UPK1A: variants seen among roughly 807,000 people sequenced by gnomAD.
UPK1A encodes uroplakin-1a.
A neutral mutation model predicts 32.3 loss-of-function variants in UPK1A; 31 were observed. That is an observed-to-expected ratio of 0.96 (90% CI 0.72 to 1.30). The LOEUF (loss-of-function observed/expected upper bound fraction) is 1.30. UPK1A is among the 50% of genes most tolerant of loss of function. The pLI is 0.00. For missense variants in UPK1A, 340 were observed against 357.4 expected (o/e 0.95, Z 0.39); for synonymous variants, 135 against 137.1 (o/e 0.98, Z 0.11).
intron 3 of UPK1A, among the ~76,000 whole-genome samples, chr19:35,671,882 C>T (rs893337292): frequency 6.6e-6 from 1 of 152,134 alleles, no homozygotes; most frequent in Admixed American, 6.6e-5. Flanking sequence ...TCTCCTCTAT[C>T]CCCCTTCTCT....
chr19:35,666,855 G>T (rs1225210437), exon 2 of UPK1A: 1 of 1,614,160 alleles, frequency 6.2e-7, no homozygotes, highest in Non-Finnish European at 8.5e-7. Flanking sequence ...GGGATCTCCA[G>T]TTGTGGTGGG....
chr19:35,669,903 A>G (rs1968060365), intron 3 of UPK1A, among the ~76,000 whole-genome samples: 1 of 152,134 alleles, frequency 6.6e-6, no homozygotes, highest in African/African-American at 2.4e-5. Context: ...CACTCATTTG[A>G]TGAACAAATG....
chr19:35,677,716 G>T, intron 6 of UPK1A, 96 bp from the exon 7 acceptor site: 1 of 1,441,680 alleles, frequency 6.9e-7, no homozygotes, highest in South Asian at 1.2e-5. Flanking sequence ...AATGCTCAGG[G>T]AAGGTGGTGA....
chr19:35,668,514 T>C, exon 3 of UPK1A: 1 of 1,614,176 alleles, frequency 6.2e-7, no homozygotes, highest in Non-Finnish European at 8.5e-7. Flanking sequence ...GTACCGTGTA[T>C]ACCCACTGAT....
exon 5 of UPK1A, chr19:35,673,484 A>G (rs756177579): frequency 2.5e-6 from 4 of 1,613,340 alleles, no homozygotes; most frequent in African/African-American, 2.7e-5. Context: ...CTGACCTTCT[A>G]CAGCGCGGAC....
At chr19:35,668,640 T>G (rs1026678983) in exon 3 of UPK1A, 1 of 1,613,166 alleles carries the variant, frequency 6.2e-7, no homozygotes, top group Middle Eastern at 1.7e-4. Flanking sequence ...CCGCCGCCGG[T>G]CCATGGTCCT....
exon 8 of UPK1A, chr19:35,678,014 C>T: frequency 6.3e-7 from 1 of 1,586,590 alleles, no homozygotes. Flanking sequence ...CTACACCATG[C>T]TCTGAGGGAC....
rs532080735 is a variant in UPK1A at position 35,668,937 on chromosome 19, C to A, written c.285+283C>A. Among the ~76,000 whole-genome samples the A allele has an allele frequency of 2.0e-5, 3 of 151,808 alleles. No homozygotes were observed. The South Asian group carries it at 6.2e-4, about 32-fold the overall frequency. ...GGCTCAAATGATTCTCCTGCCTCAGCCTCCCAAAGTGCTGGGATTACAGGC... is the reference window on the plus strand; with the variant it reads ...GGCTCAAATGATTCTCCTGCCTCAGACTCCCAAAGTGCTGGGATTACAGGC... On this transcript the variant is annotated intron_variant, in intron 3 of 7. Transcript: ENST00000617999.
chr19:35,677,288 G>A (rs1968195043), intron 6 of UPK1A, among the ~76,000 whole-genome samples: 1 of 151,818 alleles, frequency 6.6e-6, no homozygotes, highest in Admixed American at 6.6e-5. Flanking sequence ...AGCACTTTGG[G>A]AGACCGAGAT....
rs139271515 is a variant in UPK1A, at chr19:35,677,151, G to T, written c.649-661G>T. 3.6e-3 allele frequency among the ~76,000 whole-genome samples: 546 copies of T among 151,862 alleles called. 4 individuals are homozygous for T. Among genetic ancestry groups the T allele is most frequent in the Middle Eastern group, 0.014 (4 of 294 alleles). ...AGGCAGGAGGATTGTTTGAGTCTAG[G>T]AGGTCAAGGCTGCAGAGAGCTGTGA... On this transcript the variant is annotated intron_variant, in intron 6 of 7. Transcript: ENST00000617999.
At chr19:35,668,428 C>A (rs774446716) in intron 2 of UPK1A, 26 bp from the exon 3 acceptor site, 3 of 1,613,576 alleles carry the variant, frequency 1.9e-6, no homozygotes, top group Non-Finnish European at 1.7e-6. Flanking sequence ...CCCGAGCAGA[C>A]CTTCCTAACC....
At chr19:35,673,296 A>G in exon 4 of UPK1A, 1 of 1,613,452 alleles carries the variant, frequency 6.2e-7, no homozygotes, top group Non-Finnish European at 8.5e-7. Context: ...TCCTACACCC[A>G]CCGTGACTAC....
chr19:35,672,858 G>A (rs532285776), intron 3 of UPK1A, among the ~76,000 whole-genome samples: 1 of 152,134 alleles, frequency 6.6e-6, no homozygotes, highest in Admixed American at 6.5e-5. Flanking sequence ...GGGATTACAG[G>A]TGTGAGCCAC....
At chr19:35,675,936 C>T (rs374260140) in exon 6 of UPK1A, 3 of 1,614,022 alleles carry the variant, frequency 1.9e-6, no homozygotes, top group Non-Finnish European at 2.5e-6. Context: ...CTGGCCCCCA[C>T]TGTGCTGTCG....
intron 6 of UPK1A, among the ~76,000 whole-genome samples, chr19:35,676,646 C>T (rs1238670846): frequency 6.6e-6 from 1 of 151,890 alleles, no homozygotes; most frequent in Non-Finnish European, 1.5e-5. Context: ...TGCCTGTAAT[C>T]TCAGCACTTT....
At chr19:35,678,068 T>C (rs770935115) in exon 8 of UPK1A, 2 of 1,509,106 alleles carry the variant, frequency 1.3e-6, no homozygotes, top group East Asian at 4.7e-5. Flanking sequence ...CTCCGCATCC[T>C]CCTCCTGCTT....
chr19:35,678,234 C>T (rs1051263279), exon 8 of UPK1A: 1 of 506,152 alleles, frequency 2.0e-6, no homozygotes, highest in South Asian at 4.6e-5. Context: ...ATATCCTTAG[C>T]CCATCTTTCA....
At chr19:35,668,402 TG>T (rs1968032866) in intron 2 of UPK1A, 51 bp from the exon 3 acceptor site, 2 of 1,608,268 alleles carry the variant, frequency 1.2e-6, no homozygotes, top group Admixed American at 1.7e-5. Context: ...AGATGCCTGG[TG>T]CCAGGGCTGC....
At chr19:35,670,440 C>T (rs1349957536) in intron 3 of UPK1A, among the ~76,000 whole-genome samples, 3 of 119,778 alleles carry the variant, frequency 2.5e-5, no homozygotes, top group Admixed American at 9.3e-5. Context: ...TCTACACAGG[C>T]AGGTGTTGTG....
Sources: allele counts gnomAD v4.1 joint callset (sites outside exome capture counted in the v4.1 genomes callset), GRCh38; gene constraint gnomAD v4.1.1; transcripts MANE v1.5; gene names NCBI Gene and HGNC (gene_info 2026-07-23, HGNC 2026-07-21).